CCDC90B: variants seen among roughly 807,000 people sequenced by gnomAD.
CCDC90B encodes the protein coiled-coil domain containing 90B.
A neutral mutation model predicts 37.0 loss-of-function variants in CCDC90B; 24 were observed. The ratio of observed to expected loss-of-function variants is 0.65; its 90% CI spans 0.47 to 0.91. CCDC90B has a LOEUF of 0.91. CCDC90B is among the 40% of genes least tolerant of loss of function. The pLI is 0.00. For synonymous variants in CCDC90B, 113 were observed against 101.1 expected, an observed-to-expected ratio of 1.12 and a Z score of -0.71; for missense variants, 319 against 299.0, an observed-to-expected ratio of 1.07 and a Z score of -0.49.
rs939901073 is a variant in CCDC90B, at chr11:83,265,882, G to A, written c.692C>T (p.Thr231Ile). Residue 231 changes from threonine (T) to isoleucine (I), a missense_variant, in exon 8 of 9, where the codon ACA (threonine) becomes ATA (isoleucine). Thr to Ile is a moderately conservative substitution (Grantham distance 89). Transcript: ENST00000529689. ...KTLMESNKLETIRYLAASVFT... is the reference protein window; with the variant it reads ...KTLMESNKLEIIRYLAASVFT... ...AGTCTTACCTGCAAGATAACGAATT[G>A]TCTCAAGTTTGTTAGATTCCATCAG... 1 of 1,604,250 alleles carries A rather than the reference G, an allele frequency of 6.2e-7. No individual in the cohort carries two copies.
intron 7 of CCDC90B, among the ~76,000 whole-genome samples, chr11:83,267,847 G>T (rs545972037): frequency 6.6e-6 from 1 of 152,110 alleles, no homozygotes; most frequent in Non-Finnish European, 1.5e-5. Flanking sequence ...AAGTGTTAAG[G>T]GCAGCCAGAA....
At chr11:83,283,829 G>A (rs1410672669) in intron 1 of CCDC90B, among the ~76,000 whole-genome samples, 1 of 152,164 alleles carries the variant, frequency 6.6e-6, no homozygotes, top group Non-Finnish European at 1.5e-5. Context: ...GGGCATGGTG[G>A]TGTGTGCCTG....
chr11:83,284,941 G>C (rs1349331574), intron 1 of CCDC90B, among the ~76,000 whole-genome samples: 22 of 152,164 alleles, frequency 1.4e-4, no homozygotes, highest in Non-Finnish European at 4.4e-5. Flanking sequence ...CCTAACAAAA[G>C]AGACCTTGTG....
At chr11:83,264,725 T>C (rs951901461) in intron 8 of CCDC90B, among the ~76,000 whole-genome samples, 2 of 151,966 alleles carry the variant, frequency 1.3e-5, no homozygotes, top group Non-Finnish European at 2.9e-5. Context: ...CCAACAATGA[T>C]AGACTGGATT....
chr11:83,274,775 TAG>T (rs1864924065), intron 3 of CCDC90B, 35 bp from the exon 4 acceptor site: 1 of 1,273,212 alleles, frequency 7.9e-7, no homozygotes, highest in African/African-American at 1.5e-5. Context: ...TAGTGATCTA[TAG>T]AAAGCCATCT....
At chr11:83,285,093 T>C (rs1401011588) in intron 1 of CCDC90B, 14 of 1,169,720 alleles carry the variant, frequency 1.2e-5, no homozygotes, top group Non-Finnish European at 1.5e-5. Flanking sequence ...AATAACAGCG[T>C]AGAAGTGTTT....
chr11:83,274,656 G>T lies in CCDC90B; in HGVS notation c.409C>A (p.Leu137Met). Residue 137 changes from leucine to methionine, a missense_variant, in exon 4 of 9, where the codon CTG (leucine) becomes ATG (methionine). Physicochemically the swap from Leu to Met is conservative, Grantham distance 15. Transcript: ENST00000529689. ...TGTATCACCTCATTCTCTGCTCTCA[G>T]ATTTGCAAATTCACTTTTCTCTAGG... is the stretch of plus-strand genomic sequence containing the variant. ...VILEKSEFAN[L>M]RAENEKMKIE... 6.2e-7 allele frequency: 1 copy of T among 1,605,056 alleles called. No homozygotes were observed. Among genetic ancestry groups the T allele is most frequent in the East Asian group, 2.2e-5 (1 of 44,564 alleles).
intron 4 of CCDC90B, 115 bp from the exon 5 acceptor site, chr11:83,274,107 G>A (rs1481889850): frequency 3.1e-6 from 2 of 644,220 alleles, no homozygotes; most frequent in East Asian, 3.2e-5. Context: ...TTCTAATACA[G>A]AATTGATAAG....
intron 8 of CCDC90B, among the ~76,000 whole-genome samples, chr11:83,263,465 C>CAT: frequency 6.6e-6 from 1 of 152,186 alleles, no homozygotes; most frequent in East Asian, 1.9e-4. Context: ...AGACATTCTA[C>CAT]ATATATGTAA....
chr11:83,274,904 AAGAAAG>A, intron 3 of CCDC90B, 164 bp from the exon 4 acceptor site: 1 of 439,842 alleles, frequency 2.3e-6, no homozygotes. Context: ...TCAAAATGAA[AAGAAAG>A]AGATTCAAGG....
intron 3 of CCDC90B, 141 bp from the exon 4 acceptor site, chr11:83,274,881 C>T (rs1038238660): frequency 6.3e-6 from 3 of 474,804 alleles, no homozygotes; most frequent in Non-Finnish European, 1.1e-5. Context: ...ATGAAACCTA[C>T]ATATCTGAAA....
intron 3 of CCDC90B, among the ~76,000 whole-genome samples, chr11:83,277,365 G>C (rs1178865009): frequency 6.6e-6 from 1 of 152,144 alleles, no homozygotes; most frequent in East Asian, 1.9e-4. Flanking sequence ...AGTCTGTTAT[G>C]ATCCTAAAAA....
Position 83,259,288 on chromosome 11 carries a change from T to C in CCDC90B, c.*2623A>G, listed in dbSNP as rs868063242. 2 of 152,192 alleles carry C rather than the reference T, an allele frequency of 1.3e-5. No individual in the cohort carries two copies. The highest frequency in any genetic ancestry group is 6.5e-5 in the Admixed American group (1 of 15,280). 9.4% of individuals were successfully genotyped at this position (152,192 alleles called of 1,614,324 possible). A position where few individuals can be genotyped will look rare whatever the true frequency, so the allele number is the denominator to read the frequency against. ...ACAATCCTCTCATCCTTATTTCATA[T>C]ATTTCCATCACTGAAACAAAAATTT... On this transcript the variant is annotated 3_prime_UTR_variant, in exon 9 of 9. Coordinates refer to ENST00000529689, the MANE Select transcript of CCDC90B (RefSeq NM_021825.5).
chr11:83,281,134 A>C (rs1865358903), intron 1 of CCDC90B, among the ~76,000 whole-genome samples: 1 of 152,224 alleles, frequency 6.6e-6, no homozygotes, highest in Non-Finnish European at 1.5e-5. Context: ...ATTAGGATTC[A>C]GACTCAGGTA....
chr11:83,272,140 C>T (rs1167931035), intron 7 of CCDC90B, among the ~76,000 whole-genome samples: 1 of 151,954 alleles, frequency 6.6e-6, no homozygotes, highest in Non-Finnish European at 1.5e-5. Flanking sequence ...AGCATTAGGA[C>T]CTAAGGTAAA....
chr11:83,284,070 T>A (rs1212648658), intron 1 of CCDC90B, among the ~76,000 whole-genome samples: 2 of 152,248 alleles, frequency 1.3e-5, no homozygotes, highest in Non-Finnish European at 2.9e-5. Context: ...AGATCCTTAA[T>A]AATTTGAAGA....
chr11:83,281,438 TAACA>T (rs1040621912), intron 1 of CCDC90B, among the ~76,000 whole-genome samples: 2 of 152,174 alleles, frequency 1.3e-5, no homozygotes, highest in Non-Finnish European at 2.9e-5. Flanking sequence ...TTAAAAAATC[TAACA>T]ATAAACTCTA....
Position 83,260,197 on chromosome 11 carries a change from TAAC to T in CCDC90B, c.*1711_*1713del, listed in dbSNP as rs1053390779. Reference sequence around the variant, plus strand: ...TAATATTTTAGAATATTTTAAATCTTAACAAACCAATAATTTACTTGTTTATGT... The same window carrying T: ...TAATATTTTAGAATATTTTAAATCTTAAACCAATAATTTACTTGTTTATGT... On this transcript the variant is annotated 3_prime_UTR_variant, in exon 9 of 9. Coordinates refer to ENST00000529689, the MANE Select transcript of CCDC90B (RefSeq NM_021825.5). 9.9e-5 allele frequency: 15 copies of T among 152,212 alleles called. No individual in the cohort carries two copies. Among genetic ancestry groups the T allele is most frequent in the African/African-American group, 1.4e-4 (6 of 41,462 alleles). 9.4% of individuals were successfully genotyped at this position (152,212 alleles called of 1,614,324 possible).
chr11:83,260,149 T>C lies in CCDC90B; in HGVS notation c.*1762A>G, dbSNP rs948382660. The C allele has an allele frequency of 1.1e-4, 16 of 152,318 alleles. No homozygotes were observed. Among genetic ancestry groups the C allele is most frequent in the African/African-American group, 3.6e-4 (15 of 41,578 alleles). 9.4% of individuals were successfully genotyped at this position (152,318 alleles called of 1,614,324 possible). On this transcript the variant is annotated 3_prime_UTR_variant, in exon 9 of 9. Coordinates refer to ENST00000529689, the MANE Select transcript of CCDC90B (RefSeq NM_021825.5). ...TTATGCTACTGGAGCTTCCTTCACATGGAGGAAAGACGCATTCCCTCTTAA... is the reference window on the plus strand; with the variant it reads ...TTATGCTACTGGAGCTTCCTTCACACGGAGGAAAGACGCATTCCCTCTTAA...
Sources: gnomAD v4.1 joint callset for allele counts (sites outside exome capture counted in the v4.1 genomes callset) on GRCh38, gnomAD v4.1.1 for gene constraint, MANE v1.5 for transcripts, NCBI Gene and HGNC (gene_info 2026-07-23, HGNC 2026-07-21) for gene names.